Variants in TAFA1 observed in about 807,000 individuals in gnomAD.
The protein encoded by TAFA1 is TAFA chemokine like family member 1, also known as chemokine-like protein TAFA-1.
Under a neutral mutation model 18.5 loss-of-function variants are expected in TAFA1, and 4 were observed. That is an observed-to-expected ratio of 0.22 (90% CI 0.11 to 0.49). The LOEUF (loss-of-function observed/expected upper bound fraction) is 0.49. TAFA1 is among the 20% of genes least tolerant of loss of function. TAFA1 has a pLI of 0.98. For synonymous variants in TAFA1, 56 were observed against 55.2 expected, an observed-to-expected ratio of 1.01 and a Z score of -0.06; for missense variants, 147 against 169.0, an observed-to-expected ratio of 0.87 and a Z score of 0.72.
chr3:68,164,629 A>ATGTG (rs1559543711), intron 2 of TAFA1, among the ~76,000 whole-genome samples: 39 of 41,408 alleles, frequency 9.4e-4, no homozygotes, highest in African/African-American at 2.7e-3. Flanking sequence ...TCCTTTTGCA[A>ATGTG]CGTGTGTGTG....
intron 3 of TAFA1, among the ~76,000 whole-genome samples, chr3:68,481,810 T>A (rs1224385313): frequency 1.3e-5 from 2 of 152,182 alleles, no homozygotes; most frequent in Admixed American, 6.5e-5. Context: ...CATTTCTTAA[T>A]ACGAATTCCT....
intron 2 of TAFA1, among the ~76,000 whole-genome samples, chr3:68,379,338 G>T (rs1006801951): frequency 1.2e-4 from 18 of 152,126 alleles, no homozygotes; most frequent in Non-Finnish European, 2.5e-4. Context: ...GTCCTTTAAT[G>T]GGATTGTTTT....
chr3:68,526,148 C>T (rs1411504029), intron 3 of TAFA1, among the ~76,000 whole-genome samples: 2 of 152,182 alleles, frequency 1.3e-5, no homozygotes, highest in Non-Finnish European at 2.9e-5. Context: ...GTTTTGCATG[C>T]TCTGTAGTTT....
In TAFA1 at chr3:68,180,024, A is replaced by ATTATTATTATTATTG. The variant is rs1157983111; in HGVS notation, c.118+173294_118+173295insGTTATTATTATTATT. On this transcript the variant is annotated intron_variant, in intron 2 of 4. Coordinates refer to ENST00000478136, the MANE Select transcript of TAFA1 (RefSeq NM_213609.4). ...TATAACACATAATTTTATTATTATT[A>ATTATTATTATTATTG]TTATTATTATTATTATTATTTGAGA... 1.5e-3 allele frequency among the ~76,000 whole-genome samples: 220 copies of ATTATTATTATTATTG among 146,674 alleles called. 1 individual carries two copies. Among genetic ancestry groups the ATTATTATTATTATTG allele is most frequent in the African/African-American group, 5.4e-3 (216 of 40,256 alleles).
At chr3:67,995,744 A>G in the TAFA1 span, among the ~76,000 whole-genome samples, 3 of 152,182 alleles carry the variant, frequency 2.0e-5, no homozygotes, top group African/African-American at 7.2e-5. Flanking sequence ...TGGCACTAGG[A>G]TGAGGTTGGA....
chr3:68,000,768 G>A (rs545553997), upstream of TAFA1, among the ~76,000 whole-genome samples: 60 of 152,132 alleles, frequency 3.9e-4, no homozygotes, highest in Non-Finnish European at 7.1e-4. Flanking sequence ...CCTGGATGAG[G>A]GTAGTTGAAT....
chr3:68,345,562 A>G (rs1575793816), intron 2 of TAFA1, among the ~76,000 whole-genome samples: 1 of 152,246 alleles, frequency 6.6e-6, no homozygotes, highest in Non-Finnish European at 1.5e-5. Context: ...ATCCGTTGAT[A>G]TGAACAGTAG....
chr3:68,295,708 A>G lies in TAFA1; in HGVS notation c.119-121572A>G, dbSNP rs888719136. 2.6e-5 allele frequency among the ~76,000 whole-genome samples: 4 copies of G among 152,202 alleles called. No individual in the cohort carries two copies. The South Asian group carries it at 6.2e-4, about 24-fold the overall frequency. ...TGCAGCCTCAAACTCCTAGGCACAA[A>G]CAATCCTTCTGCCTAAGCCTCCCAA... On this transcript the variant is annotated intron_variant, in intron 2 of 4. Coordinates refer to ENST00000478136, the MANE Select transcript of TAFA1 (RefSeq NM_213609.4).
At chr3:68,436,252 C>G (rs1408564491) in intron 3 of TAFA1, among the ~76,000 whole-genome samples, 4 of 152,178 alleles carry the variant, frequency 2.6e-5, no homozygotes, top group African/African-American at 9.7e-5. Flanking sequence ...GAATTCAACT[C>G]TTATGCCCTG....
chr3:68,313,980 TC>T (rs1201390348), intron 2 of TAFA1, among the ~76,000 whole-genome samples: 1 of 152,160 alleles, frequency 6.6e-6, no homozygotes, highest in East Asian at 1.9e-4. Context: ...TAAAAAGGAA[TC>T]CTTTTTTTTC....
At chr3:68,468,619 A>G (rs2071933855) in intron 3 of TAFA1, among the ~76,000 whole-genome samples, 1 of 152,210 alleles carries the variant, frequency 6.6e-6, no homozygotes, top group Non-Finnish European at 1.5e-5. Flanking sequence ...TGTCAAGAGT[A>G]TAGCCCAAGA....
At chr3:68,271,242 A>G (rs750783633) in intron 2 of TAFA1, among the ~76,000 whole-genome samples, 6 of 151,810 alleles carry the variant, frequency 4.0e-5, no homozygotes, top group African/African-American at 7.3e-5. Context: ...CTCCAGGCCT[A>G]TTTTCCTCCA....
chr3:68,362,999 T>TTTTA (rs61358791), intron 2 of TAFA1, among the ~76,000 whole-genome samples: 1 of 149,380 alleles, frequency 6.7e-6, no homozygotes. Context: ...TTTTTTTTTT[T>TTTTA]AAATACAGTT....
chr3:68,381,167 C>T (rs1175603770), intron 2 of TAFA1, among the ~76,000 whole-genome samples: 3 of 145,242 alleles, frequency 2.1e-5, no homozygotes, highest in African/African-American at 7.7e-5. Context: ...GTTTTGGTTA[C>T]TGTAGCCTTG....
intron 2 of TAFA1, chr3:68,246,906 T>C (rs2067092013): frequency 6.6e-6 from 1 of 152,124 alleles, no homozygotes; most frequent in South Asian, 2.1e-4. Flanking sequence ...AGAAGGATGA[T>C]AAATGTTAGA....
intron 2 of TAFA1, among the ~76,000 whole-genome samples, chr3:68,135,503 G>A (rs1037540158): frequency 6.6e-5 from 10 of 152,266 alleles, no homozygotes; most frequent in Middle Eastern, 6.8e-3. Context: ...AAACCCCCAG[G>A]TTGGCTCTAG....
chr3:68,177,671 T>A (rs751460725), intron 2 of TAFA1, among the ~76,000 whole-genome samples: 1 of 152,320 alleles, frequency 6.6e-6, no homozygotes, highest in African/African-American at 2.4e-5. Context: ...ATGGTGAATA[T>A]AATAGTTACA....
intron 2 of TAFA1, among the ~76,000 whole-genome samples, chr3:68,180,608 T>C (rs1048476620): frequency 6.6e-6 from 1 of 152,212 alleles, no homozygotes; most frequent in Non-Finnish European, 1.5e-5. Flanking sequence ...GTCTGCCCCT[T>C]CTAGAGAAGA....
chr3:68,054,051 C>T (rs563805540), intron 2 of TAFA1, among the ~76,000 whole-genome samples: 1 of 152,134 alleles, frequency 6.6e-6, no homozygotes, highest in Non-Finnish European at 1.5e-5. Flanking sequence ...AGAGAAATCA[C>T]AAGTTTTCTG....
Sources: gnomAD v4.1 joint callset for allele counts (sites outside exome capture counted in the v4.1 genomes callset) on GRCh38, gnomAD v4.1.1 for gene constraint, MANE v1.5 for transcripts, NCBI Gene and HGNC (gene_info 2026-07-23, HGNC 2026-07-21) for gene names.